Variants in PALLD observed in about 807,000 individuals in gnomAD.
PALLD encodes the protein palladin, cytoskeletal associated protein, also known as palladin.
PALLD carries 61 observed loss-of-function variants against 123.5 expected under a neutral mutation model. The ratio of observed to expected loss-of-function variants is 0.49; its 90% CI spans 0.40 to 0.61. The LOEUF is 0.61. PALLD is among the 20% of genes least tolerant of loss of function. The pLI, the probability that PALLD is intolerant of heterozygous loss-of-function variation, is 0.00. For synonymous variants in PALLD, 465 were observed against 496.4 expected (o/e 0.94, Z 0.84); for missense variants, 1,273 against 1,377.0 (o/e 0.92, Z 1.20).
intron 1 of PALLD, among the ~76,000 whole-genome samples, chr4:168,505,747 G>A (rs373545009): frequency 2.5e-4 from 38 of 152,316 alleles, no homozygotes; most frequent in African/African-American, 6.0e-4. Context: ...AATGCCCACC[G>A]CAGGGTAAGC....
intron 1 of PALLD, among the ~76,000 whole-genome samples, chr4:168,506,706 T>C (rs1235591853): frequency 6.6e-6 from 1 of 152,202 alleles, no homozygotes; most frequent in Non-Finnish European, 1.5e-5. Context: ...CTCTCCTTCT[T>C]TCTATGATCT....
Position 168,502,586 on chromosome 4 carries a change from G to A in PALLD, c.-83+5392G>A, listed in dbSNP as rs545932645. On this transcript the variant is annotated intron_variant, in intron 1 of 21. Transcript: ENST00000505667. ...ACAAGCAACAGTTGATAAAACAGAA[G>A]AAAAACCTAGTTTAAGAGCAGAATA... Among the ~76,000 whole-genome samples, 6 of 152,222 alleles carry A rather than the reference G, an allele frequency of 3.9e-5. 1 individual carries two copies. The South Asian group carries it at 1.2e-3, about 32-fold the overall frequency.
chr4:168,813,649 G>C (rs1184961679), intron 10 of PALLD, among the ~76,000 whole-genome samples: 1 of 152,050 alleles, frequency 6.6e-6, no homozygotes, highest in African/African-American at 2.4e-5. Context: ...TTTAGAGTTG[G>C]GGGTCTCACT....
chr4:168,565,042 A>C (rs1383981106), intron 2 of PALLD, among the ~76,000 whole-genome samples: 3 of 148,624 alleles, frequency 2.0e-5, no homozygotes, highest in Non-Finnish European at 4.5e-5. Flanking sequence ...AAAAAAAAAA[A>C]ATTCGCTGGG....
chr4:168,753,870 CA>C (rs1731404124), intron 10 of PALLD, among the ~76,000 whole-genome samples: 1 of 152,172 alleles, frequency 6.6e-6, no homozygotes, highest in Non-Finnish European at 1.5e-5. Context: ...CCAGACCCCC[CA>C]GCTAGACCAC....
intron 10 of PALLD, among the ~76,000 whole-genome samples, chr4:168,852,702 G>A (rs192821381): frequency 1.3e-5 from 2 of 152,286 alleles, no homozygotes; most frequent in Middle Eastern, 3.4e-3. Context: ...TGCTCTTTAA[G>A]CTTGAATTTT....
At chr4:168,499,297 T>TGGGAGGGAGGAA (rs1441289315) in intron 1 of PALLD, among the ~76,000 whole-genome samples, 3 of 17,878 alleles carry the variant, frequency 1.7e-4, no homozygotes, top group Admixed American at 6.8e-4. Flanking sequence ...GGAGGGAGGA[T>TGGGAGGGAGGAA]GGGAGGGAGG....
At chr4:168,893,123 T>C (rs1176142067) in intron 11 of PALLD, among the ~76,000 whole-genome samples, 1 of 152,158 alleles carries the variant, frequency 6.6e-6, no homozygotes, top group Admixed American at 6.5e-5. Flanking sequence ...AGATATGAAA[T>C]TGATATTTCT....
At chr4:168,849,247 C>T (rs889897170) in intron 10 of PALLD, among the ~76,000 whole-genome samples, 5 of 152,252 alleles carry the variant, frequency 3.3e-5, no homozygotes, top group African/African-American at 7.2e-5. Context: ...GCGTTCCAGA[C>T]GTCTGCACGC....
At chr4:168,761,657 T>TTG (rs1732919227) in intron 10 of PALLD, among the ~76,000 whole-genome samples, 2 of 41,324 alleles carry the variant, frequency 4.8e-5, no homozygotes, top group African/African-American at 1.9e-4. Flanking sequence ...TTTTTTTTTT[T>TTG]TTTTTTTTTT....
chr4:168,752,251 G>A (rs983610814), intron 10 of PALLD, among the ~76,000 whole-genome samples: 2 of 152,232 alleles, frequency 1.3e-5, no homozygotes, highest in Non-Finnish European at 2.9e-5. Context: ...GCATGCGCCT[G>A]TAGTCCCAGC....
intron 2 of PALLD, among the ~76,000 whole-genome samples, chr4:168,626,115 A>T (rs1258409772): frequency 6.7e-6 from 1 of 148,688 alleles, no homozygotes; most frequent in Non-Finnish European, 1.5e-5. Flanking sequence ...TACAAAAAAA[A>T]ATTAGCCGGG....
intron 8 of PALLD, among the ~76,000 whole-genome samples, chr4:168,703,448 G>T (rs1783897270): frequency 8.3e-6 from 1 of 120,240 alleles, no homozygotes; most frequent in Admixed American, 7.6e-5. Context: ...TGGGTCAAAT[G>T]ATATTTCCAG....
intron 2 of PALLD, among the ~76,000 whole-genome samples, chr4:168,554,874 T>C (rs1187394065): frequency 6.6e-6 from 1 of 152,162 alleles, no homozygotes; most frequent in African/African-American, 2.4e-5. Flanking sequence ...TTTACTTTTA[T>C]ACTATCATGT....
chr4:168,802,114 A>C (rs981656006), intron 10 of PALLD, among the ~76,000 whole-genome samples: 1 of 152,238 alleles, frequency 6.6e-6, no homozygotes, highest in Non-Finnish European at 1.5e-5. Flanking sequence ...TTGGGGAGTT[A>C]CTTCTCGGGA....
At chr4:168,660,880 C>G (rs1162756092) in intron 2 of PALLD, among the ~76,000 whole-genome samples, 1 of 151,684 alleles carries the variant, frequency 6.6e-6, no homozygotes, top group Non-Finnish European at 1.5e-5. Flanking sequence ...TGAAGCAGTA[C>G]AAGTTTCTTT....
At chr4:168,912,191 C>T (rs544430405) in intron 15 of PALLD, among the ~76,000 whole-genome samples, 1 of 152,290 alleles carries the variant, frequency 6.6e-6, no homozygotes, top group East Asian at 1.9e-4. Context: ...AACACTGCAG[C>T]TTCTGTTACC....
intron 10 of PALLD, among the ~76,000 whole-genome samples, chr4:168,739,443 G>A (rs372083835): frequency 6.6e-6 from 1 of 152,154 alleles, no homozygotes; most frequent in African/African-American, 2.4e-5. Context: ...AAGATAAAGA[G>A]AGCTTGGTCA....
chr4:168,555,238 C>A (rs1371308704), intron 2 of PALLD, among the ~76,000 whole-genome samples: 1 of 152,094 alleles, frequency 6.6e-6, no homozygotes, highest in South Asian at 2.1e-4. Flanking sequence ...GCAATGAAAG[C>A]GAAGCAGGTA....
Sources: allele counts gnomAD v4.1 joint callset (sites outside exome capture counted in the v4.1 genomes callset), GRCh38; gene constraint gnomAD v4.1.1; transcripts MANE v1.5; gene names NCBI Gene and HGNC (gene_info 2026-07-23, HGNC 2026-07-21).